LPA: variants seen among roughly 807,000 people sequenced by gnomAD.
The protein encoded by LPA is lipoprotein(a), also known as apolipoprotein(a).
LPA carries 199 observed loss-of-function variants against 197.9 expected under a neutral mutation model. The observed-to-expected ratio is 1.01, with a 90% confidence interval of 0.90 to 1.13. LPA has a LOEUF of 1.13. LPA is among the 50% of genes most tolerant of loss of function. The probability of loss-of-function intolerance (pLI) is 0.00; values close to 1 mark genes in which losing one functional copy is unlikely to be tolerated. For missense variants in LPA, 1,853 were observed against 1,785.8 expected, an observed-to-expected ratio of 1.04 and a Z score of -0.68; for synonymous variants, 715 against 639.5, an observed-to-expected ratio of 1.12 and a Z score of -1.78.
chr6:160,582,740 A>G (rs1385319280), intron 26 of LPA, among the ~76,000 whole-genome samples: 1 of 152,062 alleles, frequency 6.6e-6, no homozygotes, highest in Non-Finnish European at 1.5e-5. Flanking sequence ...CATTTTTTCC[A>G]TATTTAGAAA....
At chr6:160,563,492 T>A (rs1778396705) in intron 28 of LPA, among the ~76,000 whole-genome samples, 2 of 152,216 alleles carry the variant, frequency 1.3e-5, no homozygotes, top group African/African-American at 4.8e-5. Flanking sequence ...TCCAATTATG[T>A]GGTCAATTTT....
chr6:160,606,341 G>A, intron 17 of LPA, 136 bp downstream of exon 17: 2 of 1,318,490 alleles, frequency 1.5e-6, no homozygotes, highest in African/African-American at 1.4e-5. Flanking sequence ...GTGCACGGAG[G>A]CTTCCTCCTA....
At position 160,540,201 on chromosome 6, in the gene LPA, G is replaced by A. The variant is rs1400708418; in HGVS notation, c.5595-18C>T. ...TTGAGGACCTAGAAAAGATGAGGAT[G>A]TCAAGAGAAAAATATGGTCCAGCCC... On this transcript the variant is annotated intron_variant, in intron 35 of 38. Coordinates refer to ENST00000316300, the MANE Select transcript of LPA (RefSeq NM_005577.4). 6.2e-7 allele frequency: 1 copy of A among 1,614,102 alleles called. No individual in the cohort carries two copies. The highest frequency in any genetic ancestry group is 1.3e-5 in the African/African-American group (1 of 75,026).
In LPA at chr6:160,606,489, G is replaced by C. The variant is rs1445731503; in HGVS notation, c.2773C>G (p.Pro925Ala). The change falls in exon 17 of 39, where the codon CCT becomes GCT. Residue 925 changes from proline (P) to alanine (A), a missense_variant. Transcript: ENST00000316300. ...ACAGGCTCCTTACCTTGTTCAGAAG[G>C]AGCCTCTAGGCTTGGAATCGGGGTA... ...TITPIPSLEA[P>A]SEQAPTEQRP... is the part of the protein sequence containing the mutation. The C allele has an allele frequency of 1.2e-6, 2 of 1,613,460 alleles. No individual in the cohort carries two copies. Among genetic ancestry groups the C allele is most frequent in the East Asian group, 2.2e-5 (1 of 44,872 alleles).
chr6:160,597,336 A>G (rs1000718354), intron 20 of LPA, among the ~76,000 whole-genome samples: 1 of 152,228 alleles, frequency 6.6e-6, no homozygotes, highest in South Asian at 2.1e-4. Flanking sequence ...CAGTTTTTCA[A>G]TCATACATCA....
At chr6:160,596,400 T>C (rs1562337311) in intron 20 of LPA, among the ~76,000 whole-genome samples, 1 of 152,136 alleles carries the variant, frequency 6.6e-6, no homozygotes, top group South Asian at 2.1e-4. Flanking sequence ...TTGCTTTTTT[T>C]TTTTTTCTTG....
intron 16 of LPA, among the ~76,000 whole-genome samples, chr6:160,607,989 TC>T (rs1779394831): frequency 6.6e-6 from 1 of 152,166 alleles, no homozygotes; most frequent in Admixed American, 6.5e-5. Flanking sequence ...ATGGTACACT[TC>T]TAATTATTCC....
At position 160,606,567 on chromosome 6, in the gene LPA, T is replaced by G. The variant is rs1779357094; in HGVS notation, c.2695A>C (p.Asn899His). ...RDPSVRWEYC[N>H]LTQCSDAEGT... ...TCTGCGTCTGAGCATTGTGTCAGGT[T>G]GCAGTACTCCCACCTGACACTGGGA... The change falls in exon 17 of 39, where the codon AAC becomes CAC. Residue 899 changes from asparagine to histidine, a missense_variant. Around this residue, in one of 3 missense-constraint regions of LPA, gnomAD observed 1,737 missense variants for 1,504.4 expected, o/e 1.15. Coordinates refer to ENST00000316300, the MANE Select transcript of LPA (RefSeq NM_005577.4). 1 of 1,613,848 alleles carries G rather than the reference T, an allele frequency of 6.2e-7. No individual in the cohort carries two copies.
intron 1 of LPA, among the ~76,000 whole-genome samples, chr6:160,653,962 TATATTA>T (rs1220191803): frequency 3.2e-5 from 1 of 30,958 alleles, no homozygotes; most frequent in Non-Finnish European, 5.4e-5. Context: ...ATATATAATA[TATATTA>T]TATATAATAT....
chr6:160,634,941 T>G (rs1196228587), intron 7 of LPA, among the ~76,000 whole-genome samples, 182 bp downstream of exon 7: 6 of 150,164 alleles, frequency 4.0e-5, no homozygotes. Flanking sequence ...CCCACCCAAG[T>G]TGCACCAGAA....
intron 1 of LPA, among the ~76,000 whole-genome samples, chr6:160,651,703 A>G (rs1191925591): frequency 1.3e-5 from 2 of 152,180 alleles, no homozygotes; most frequent in African/African-American, 4.8e-5. Context: ...ATCAAGACAG[A>G]CAGACTCAGA....
At chr6:160,585,593 T>G (rs747458013) in intron 25 of LPA, among the ~76,000 whole-genome samples, 5 of 151,932 alleles carry the variant, frequency 3.3e-5, no homozygotes, top group African/African-American at 4.8e-5. Context: ...TGGCTGTTAG[T>G]GGGGGGTATA....
At position 160,594,301 on chromosome 6, in the gene LPA, C is replaced by A. The variant is rs759121349; in HGVS notation, c.3470-184G>T. Reference sequence around the variant, plus strand: ...GATTCATAGCATTCTAGAACTTTAACGAGTTCTTAGAAAGATTTCCTTTAA... The same window carrying A: ...GATTCATAGCATTCTAGAACTTTAAAGAGTTCTTAGAAAGATTTCCTTTAA... On this transcript the variant is annotated intron_variant, in intron 21 of 38. Transcript: ENST00000316300. Among the ~76,000 whole-genome samples the A allele has an allele frequency of 3.7e-4, 57 of 152,286 alleles. 1 individual carries two copies. Among genetic ancestry groups the A allele is most frequent in the Middle Eastern group, 6.8e-3 (2 of 294 alleles).
chr6:160,610,515 T>A (rs568613670), intron 16 of LPA, among the ~76,000 whole-genome samples: 1 of 152,282 alleles, frequency 6.6e-6, no homozygotes, highest in South Asian at 2.1e-4. Context: ...GAGCTTGCTG[T>A]TCTCTTGTAG....
chr6:160,558,086 A>AT (rs971049982), intron 28 of LPA, among the ~76,000 whole-genome samples: 1 of 151,808 alleles, frequency 6.6e-6, no homozygotes, highest in African/African-American at 2.4e-5. Context: ...CGCCTGGCTA[A>AT]TTTTTTGTAT....
At chr6:160,662,251 T>C (rs1273520918) in intron 1 of LPA, among the ~76,000 whole-genome samples, 1 of 152,220 alleles carries the variant, frequency 6.6e-6, no homozygotes, top group Non-Finnish European at 1.5e-5. Flanking sequence ...AGGCAAAATG[T>C]AGATGTATAT....
intron 28 of LPA, among the ~76,000 whole-genome samples, chr6:160,572,140 C>A (rs372467175): frequency 6.6e-6 from 1 of 152,234 alleles, no homozygotes; most frequent in African/African-American, 2.4e-5. Flanking sequence ...AGTTCCCTGA[C>A]CCCTTCCACT....
Position 160,531,795 on chromosome 6 carries a change from C to T in LPA, c.6057G>A (p.Lys2019=). ...SWGLGCARPN[K]PGVYARVSRF... ...TTGAAACACGAGCATAGACACCAGG[C>T]TTATTGGGGCGTGCACAGCCAAGAC... Residue 2019 remains lysine, a synonymous_variant, in exon 39 of 39, where the codon AAG becomes AAA. Transcript: ENST00000316300. 6.8e-6 allele frequency: 11 copies of T among 1,614,118 alleles called. No individual in the cohort carries two copies. The highest frequency in any genetic ancestry group is 9.3e-6 in the Non-Finnish European group (11 of 1,180,002).
intron 1 of LPA, among the ~76,000 whole-genome samples, chr6:160,653,997 T>TATATA (rs1780063991): frequency 1.8e-4 from 2 of 10,826 alleles, no homozygotes; most frequent in Non-Finnish European, 3.0e-4. Flanking sequence ...TAATATATAT[T>TATATA]ATATATAATA....
Sources: allele counts gnomAD v4.1 joint callset (sites outside exome capture counted in the v4.1 genomes callset), GRCh38; gene constraint gnomAD v4.1.1; regional missense constraint gnomAD v4.1.1; transcripts MANE v1.5; gene names NCBI Gene and HGNC (gene_info 2026-07-23, HGNC 2026-07-21).